Variants in CALB2 observed in about 807,000 individuals in gnomAD.
CALB2 encodes the protein calretinin.
CALB2 carries 34 observed loss-of-function variants against 45.9 expected under a neutral mutation model. That is an observed-to-expected ratio of 0.74 (90% CI 0.56 to 0.99). CALB2 has a LOEUF of 0.99. Ranked by LOEUF, CALB2 falls within the 50% of genes least tolerant of loss-of-function variation. The pLI, the probability that CALB2 is intolerant of heterozygous loss-of-function variation, is 0.00. For synonymous variants in CALB2, 142 were observed against 129.6 expected (o/e 1.10, Z -0.65); for missense variants, 344 against 339.3 (o/e 1.01, Z -0.11).
At chr16:71,364,763 C>T (rs779510363) in intron 1 of CALB2, among the ~76,000 whole-genome samples, 10 of 152,344 alleles carry the variant, frequency 6.6e-5, no homozygotes, top group Non-Finnish European at 1.0e-4. Context: ...AAACATTCAG[C>T]TGGTGGCTGG....
At chr16:71,389,143 G>A (rs1009577268) in intron 10 of CALB2, among the ~76,000 whole-genome samples, 17 of 151,814 alleles carry the variant, frequency 1.1e-4, no homozygotes, top group East Asian at 5.8e-4. Flanking sequence ...AGCCGAGATC[G>A]TGTCACTTCA....
chr16:71,378,486 C>G (rs1488691697), intron 4 of CALB2, among the ~76,000 whole-genome samples: 1 of 152,012 alleles, frequency 6.6e-6, no homozygotes, highest in Non-Finnish European at 1.5e-5. Flanking sequence ...GAGTTTGAGG[C>G]TGAAGATCAC....
chr16:71,372,617 G>C (rs1043863921), intron 2 of CALB2, among the ~76,000 whole-genome samples: 6 of 152,134 alleles, frequency 3.9e-5, no homozygotes, highest in Admixed American at 2.6e-4. Flanking sequence ...CCTGATTCTA[G>C]ACCAGAGTTT....
chr16:71,374,242 C>T (rs2042384757), intron 2 of CALB2, among the ~76,000 whole-genome samples: 1 of 152,164 alleles, frequency 6.6e-6, no homozygotes, highest in African/African-American at 2.4e-5. Context: ...TCCTCATGTT[C>T]CTCCTGATAT....
chr16:71,367,720 G>T (rs1443648538), intron 1 of CALB2, among the ~76,000 whole-genome samples: 3 of 152,206 alleles, frequency 2.0e-5, no homozygotes, highest in African/African-American at 4.8e-5. Flanking sequence ...GGCACAAAGT[G>T]GAACAGTGGC....
At chr16:71,382,033 AG>A (rs2042498990) in intron 4 of CALB2, among the ~76,000 whole-genome samples, 2 of 106,664 alleles carry the variant, frequency 1.9e-5, no homozygotes, top group Admixed American at 1.2e-4. Flanking sequence ...GAGGAGGAGG[AG>A]GAGGAGGAGT....
chr16:71,359,550 G>A (rs920336019), intron 1 of CALB2, among the ~76,000 whole-genome samples: 1 of 152,138 alleles, frequency 6.6e-6, no homozygotes, highest in East Asian at 1.9e-4. Flanking sequence ...GGGTACTCTT[G>A]GTGACTTCAT....
rs187082888 is a variant in CALB2, at chr16:71,375,442, A to G, written c.261+608A>G. ...GAGTGCTGGCCGGACTCCGTGGCCC[A>G]TGTCTGTAATCCCAGCACTTTGGGA... is the stretch of plus-strand genomic sequence containing the variant. On this transcript the variant is annotated intron_variant, in intron 3 of 10. Coordinates refer to ENST00000302628, the MANE Select transcript of CALB2 (RefSeq NM_001740.5). 2.5e-3 allele frequency among the ~76,000 whole-genome samples: 382 copies of G among 152,298 alleles called. 1 individual carries two copies. The highest frequency in any genetic ancestry group is 8.9e-3 in the South Asian group (43 of 4,824).
chr16:71,374,741 A>C lies in CALB2; in HGVS notation c.172-4A>C, dbSNP rs755507380. 1 of 1,605,822 alleles carries C rather than the reference A, an allele frequency of 6.2e-7. No individual in the cohort carries two copies. The highest frequency in any genetic ancestry group is 1.1e-5 in the South Asian group (1 of 90,782). ...AAAAATCAGCCCCCTTTGTCTTTCC[A>C]CAGATGTCAAAGAGTGACAACTTTG... is the stretch of plus-strand genomic sequence containing the variant. On this transcript the variant is annotated splice_region_variant and splice_polypyrimidine_tract_variant and intron_variant, in intron 2 of 10. Transcript: ENST00000302628.
intron 1 of CALB2, among the ~76,000 whole-genome samples, chr16:71,363,664 G>A (rs146920427): frequency 1.0e-3 from 153 of 152,316 alleles, no homozygotes; most frequent in African/African-American, 3.4e-3. Flanking sequence ...CGGGAACCTG[G>A]GCAACTGGCC....
At chr16:71,385,289 GC>G in intron 9 of CALB2, 2 of 386,678 alleles carry the variant, frequency 5.2e-6, no homozygotes, top group East Asian at 4.2e-5. Flanking sequence ...ACTTTAAATA[GC>G]CCCCGGACTC....
intron 9 of CALB2, 113 bp downstream of exon 9, chr16:71,384,949 T>G: frequency 1.1e-6 from 1 of 872,938 alleles, no homozygotes. Context: ...CTGGGCCGTG[T>G]GGTTTCTTCC....
intron 1 of CALB2, among the ~76,000 whole-genome samples, chr16:71,365,237 C>T (rs1000526579): frequency 1.1e-4 from 16 of 152,160 alleles, no homozygotes; most frequent in Admixed American, 3.9e-4. Context: ...TGCAGCTTAA[C>T]GAGGAAATTC....
intron 4 of CALB2, among the ~76,000 whole-genome samples, chr16:71,380,880 G>A (rs1157292846): frequency 4.6e-5 from 7 of 152,214 alleles, no homozygotes; most frequent in Non-Finnish European, 1.0e-4. Flanking sequence ...ATTTCTTTGA[G>A]ATTTCACAAA....
chr16:71,382,917 G>A, intron 5 of CALB2, 142 bp downstream of exon 5: 2 of 727,876 alleles, frequency 2.7e-6, no homozygotes, highest in Non-Finnish European at 4.6e-6. Context: ...TGTTGGACTT[G>A]TTTAGAGAAG....
At chr16:71,361,349 C>T (rs756001756) in intron 1 of CALB2, among the ~76,000 whole-genome samples, 1 of 152,164 alleles carries the variant, frequency 6.6e-6, no homozygotes, top group African/African-American at 2.4e-5. Context: ...AGGCTTTGGG[C>T]GACCTTCCTC....
At chr16:71,371,721 CCT>C (rs2042353537) in intron 1 of CALB2, among the ~76,000 whole-genome samples, 1 of 152,160 alleles carries the variant, frequency 6.6e-6, no homozygotes, top group Non-Finnish European at 1.5e-5. Flanking sequence ...CTGCAATGAC[CCT>C]GTTTCCAAAT....
chr16:71,362,132 C>T (rs1196188385), intron 1 of CALB2, among the ~76,000 whole-genome samples: 2 of 152,214 alleles, frequency 1.3e-5, no homozygotes, highest in Non-Finnish European at 2.9e-5. Flanking sequence ...GCCCATTGCT[C>T]TGTTGCTTCC....
rs146835226 is a variant in CALB2 at position 71,377,735 on chromosome 16, C to T, written c.330C>T (p.Ala110=). 6.5e-5 allele frequency: 105 copies of T among 1,613,704 alleles called. No homozygotes were observed. The African/African-American group carries it at 8.4e-4, about 13-fold the overall frequency. The change falls in exon 4 of 11, where the codon GCC becomes GCT. Residue 110 remains alanine (A), a synonymous_variant. Coordinates refer to ENST00000302628, the MANE Select transcript of CALB2 (RefSeq NM_001740.5). The part of the protein sequence containing the change: ...LCFRQHVGSS[A]EFMEAWRKYD... ...TCAGGCAGCACGTGGGCTCCAGCGC[C>T]GAGTTTATGGAGGTGAGGCCAAGGC...
Sources: gnomAD v4.1 joint callset for allele counts (sites outside exome capture counted in the v4.1 genomes callset) on GRCh38, gnomAD v4.1.1 for gene constraint, MANE v1.5 for transcripts, NCBI Gene and HGNC (gene_info 2026-07-23, HGNC 2026-07-21) for gene names.